F11R: variants seen among roughly 807,000 people sequenced by gnomAD.
The protein encoded by F11R is F11 receptor, also known as junctional adhesion molecule A.
In F11R, 27 loss-of-function variants were observed where a neutral mutation model predicts 39.3. That is an observed-to-expected ratio of 0.69 (90% CI 0.51 to 0.95). F11R has a LOEUF of 0.95. Among genes scored for constraint, F11R ranks in the 40% least tolerant of loss-of-function variants. The pLI is 0.00. For missense variants in F11R, 335 were observed against 372.7 expected (o/e 0.90, Z 0.83); for synonymous variants, 131 against 144.9 (o/e 0.90, Z 0.69).
intron 1 of F11R, among the ~76,000 whole-genome samples, chr1:161,019,320 C>T (rs1196944002): frequency 6.6e-6 from 1 of 151,952 alleles, no homozygotes; most frequent in Non-Finnish European, 1.5e-5. Flanking sequence ...ACATGGCCAG[C>T]CGCGGTGGCT....
chr1:161,018,529 C>T (rs958680912), intron 1 of F11R, among the ~76,000 whole-genome samples: 1 of 152,168 alleles, frequency 6.6e-6, no homozygotes, highest in African/African-American at 2.4e-5. Context: ...AACAGCTGCC[C>T]AAAAATAATC....
chr1:161,014,504 G>C (rs1238145018), intron 1 of F11R, among the ~76,000 whole-genome samples: 1 of 152,134 alleles, frequency 6.6e-6, no homozygotes, highest in East Asian at 1.9e-4. Context: ...AAGAATTCAA[G>C]ACCAGCCTGT....
intron 1 of F11R, among the ~76,000 whole-genome samples, chr1:161,004,522 G>C (rs1253576449): frequency 6.6e-6 from 1 of 151,832 alleles, no homozygotes; most frequent in Non-Finnish European, 1.5e-5. Context: ...ATTCCAGCTT[G>C]GGCAACAAAG....
intron 7 of F11R, 56 bp downstream of exon 7, chr1:160,999,584 G>A: frequency 6.5e-7 from 1 of 1,529,050 alleles, no homozygotes; most frequent in Non-Finnish European, 9.1e-7. Flanking sequence ...TGACACCCAT[G>A]CCAGGCCCTG....
At chr1:161,003,121 G>A (rs144977323) in intron 1 of F11R, among the ~76,000 whole-genome samples, 1 of 61,782 alleles carries the variant, frequency 1.6e-5, no homozygotes, top group African/African-American at 4.7e-5. Flanking sequence ...GCTAATTTTT[G>A]TATTTTTTTT....
At chr1:161,007,958 A>G (rs1254860350) in intron 1 of F11R, among the ~76,000 whole-genome samples, 1 of 151,840 alleles carries the variant, frequency 6.6e-6, no homozygotes, top group African/African-American at 2.4e-5. Flanking sequence ...CTCCTCATCT[A>G]TTTCATATTT....
chr1:160,998,854 C>T lies in F11R; in HGVS notation c.*17G>A, dbSNP rs1360195816. ...GAGTAAGGCAAATGCAGATGATAGG[C>T]GGTGAGCCGACCAGGCTCACACCAG... On this transcript the variant is annotated 3_prime_UTR_variant, in exon 10 of 10. Coordinates refer to ENST00000368026, the MANE Select transcript of F11R (RefSeq NM_016946.6). 16 of 1,613,228 alleles carry T rather than the reference C, an allele frequency of 9.9e-6. 1 individual carries two copies. The South Asian group carries it at 1.2e-4, about 12-fold the overall frequency.
intron 1 of F11R, among the ~76,000 whole-genome samples, chr1:161,010,441 C>CTTAAAAAAAAA: frequency 1.2e-5 from 1 of 80,284 alleles, no homozygotes; most frequent in Non-Finnish European, 2.2e-5. Context: ...GAGACTCCAT[C>CTTAAAAAAAAA]AAAAAAAAAA....
chr1:161,013,133 GAA>G (rs79065730), intron 1 of F11R, among the ~76,000 whole-genome samples: 13 of 136,832 alleles, frequency 9.5e-5, no homozygotes, highest in South Asian at 2.3e-4. Context: ...TTCATTTAGG[GAA>G]AAAAAAAAAA....
At chr1:161,017,364 G>C (rs946926362) in intron 1 of F11R, among the ~76,000 whole-genome samples, 31 of 152,158 alleles carry the variant, frequency 2.0e-4, no homozygotes, top group Non-Finnish European at 4.0e-4. Flanking sequence ...GGAATGTCTC[G>C]GTATAAAACC....
intron 1 of F11R, among the ~76,000 whole-genome samples, chr1:161,007,167 C>CAAAA (rs558492593): frequency 1.1e-5 from 1 of 94,248 alleles, no homozygotes; most frequent in South Asian, 3.6e-4. Context: ...AACTCCGTCT[C>CAAAA]AAAAAAAAAA....
rs541834358 is a variant in F11R at position 161,001,373 on chromosome 1, T to C, written c.65-20A>G. ...GGGAGCCTAAGGAGAAAGAAAGAGG[T>C]GGGCCCTGTCAGGAGTGGACAGAGA... On this transcript the variant is annotated intron_variant, in intron 1 of 9. Coordinates refer to ENST00000368026, the MANE Select transcript of F11R (RefSeq NM_016946.6). The C allele has an allele frequency of 4.4e-6, 7 of 1,608,348 alleles. No homozygotes were observed. Among genetic ancestry groups the C allele is most frequent in the East Asian group, 4.5e-5 (2 of 44,808 alleles).
At chr1:161,001,212 TGG>T (rs1240496577) in intron 2 of F11R, 71 bp downstream of exon 2, 1 of 1,596,908 alleles carries the variant, frequency 6.3e-7, no homozygotes, top group East Asian at 2.2e-5. Flanking sequence ...CAGGCTGGGC[TGG>T]GTGCTCTCTA....
chr1:161,015,484 G>A (rs1210924334), intron 1 of F11R, among the ~76,000 whole-genome samples: 1 of 150,336 alleles, frequency 6.7e-6, no homozygotes, highest in African/African-American at 2.4e-5. Context: ...CCAGCTACTC[G>A]GGAGGCTGAG....
At chr1:161,003,343 G>C (rs545299363) in intron 1 of F11R, among the ~76,000 whole-genome samples, 3 of 151,456 alleles carry the variant, frequency 2.0e-5, no homozygotes, top group Non-Finnish European at 2.9e-5. Context: ...GGCTGGTCTC[G>C]AACTCCCGAC....
At chr1:161,010,931 G>A (rs368142693) in intron 1 of F11R, among the ~76,000 whole-genome samples, 20 of 135,830 alleles carry the variant, frequency 1.5e-4, no homozygotes, top group South Asian at 4.6e-4. Context: ...CTGAGATTAC[G>A]CCACTGCACT....
At chr1:161,000,837 T>G in intron 3 of F11R, 60 bp from the exon 4 acceptor site, 1 of 1,601,840 alleles carries the variant, frequency 6.2e-7, no homozygotes, top group South Asian at 1.1e-5. Flanking sequence ...GGGAGGCTGA[T>G]GAAGGGGGCA....
chr1:161,010,421 G>A (rs956936589), intron 1 of F11R, among the ~76,000 whole-genome samples: 18 of 129,664 alleles, frequency 1.4e-4, no homozygotes, highest in Non-Finnish European at 2.2e-4. Context: ...TCCAGCCTGG[G>A]TGACAGAGCG....
intron 1 of F11R, among the ~76,000 whole-genome samples, chr1:161,015,405 A>T (rs896681442): frequency 0.032 from 4,282 of 133,576 alleles, 76 homozygotes; most frequent in African/African-American, 0.059. Flanking sequence ...CTCAAAAAAA[A>T]AAATATATAT....
Sources: allele counts gnomAD v4.1 joint callset (sites outside exome capture counted in the v4.1 genomes callset), GRCh38; gene constraint gnomAD v4.1.1; transcripts MANE v1.5; gene names NCBI Gene and HGNC (gene_info 2026-07-23, HGNC 2026-07-21).